Variants in MCC observed in about 807,000 individuals in gnomAD.
MCC encodes the protein MCC regulator of Wnt signaling pathway.
A neutral mutation model predicts 116.2 loss-of-function variants in MCC; 90 were observed. The ratio of observed to expected loss-of-function variants is 0.77; its 90% CI spans 0.65 to 0.92. The LOEUF (loss-of-function observed/expected upper bound fraction) is 0.92. MCC is among the 40% of genes least tolerant of loss of function. The pLI, the probability that MCC is intolerant of heterozygous loss-of-function variation, is 0.00. For missense variants in MCC, 1,516 were observed against 1,312.2 expected (o/e 1.16, Z -2.40); for synonymous variants, 578 against 510.5 (o/e 1.13, Z -1.78).
chr5:113,141,693 C>A (rs191778514), intron 5 of MCC, among the ~76,000 whole-genome samples: 25 of 152,314 alleles, frequency 1.6e-4, no homozygotes, highest in Non-Finnish European at 2.6e-4. Context: ...GACATCTCCA[C>A]AGATGTAGTC....
intron 1 of MCC, among the ~76,000 whole-genome samples, chr5:113,464,470 C>T (rs1046282528): frequency 2.2e-4 from 34 of 152,214 alleles, no homozygotes; most frequent in African/African-American, 7.5e-4. Context: ...AGGTCTTTGC[C>T]CCCAAAATTA....
intron 3 of MCC, among the ~76,000 whole-genome samples, chr5:113,169,237 G>T (rs994866909): frequency 6.6e-6 from 1 of 152,138 alleles, no homozygotes; most frequent in South Asian, 2.1e-4. Flanking sequence ...AGAATGGATA[G>T]GCTGTATACA....
intron 3 of MCC, among the ~76,000 whole-genome samples, chr5:113,168,167 T>A (rs1760875062): frequency 6.6e-6 from 1 of 152,174 alleles, no homozygotes; most frequent in African/African-American, 2.4e-5. Context: ...CCTAGTGCGA[T>A]ACTAAACCAA....
chr5:113,252,141 C>T (rs1764825619), intron 3 of MCC, among the ~76,000 whole-genome samples: 1 of 152,170 alleles, frequency 6.6e-6, no homozygotes, highest in Non-Finnish European at 1.5e-5. Context: ...CTGTTTACTT[C>T]TTAGTGGAAT....
At chr5:113,189,832 C>T (rs1289379674) in intron 3 of MCC, among the ~76,000 whole-genome samples, 4 of 152,210 alleles carry the variant, frequency 2.6e-5, no homozygotes, top group African/African-American at 9.6e-5. Flanking sequence ...TAGCCACAAT[C>T]TTAATTAAGC....
chr5:113,197,232 A>T (rs987551034), intron 3 of MCC, among the ~76,000 whole-genome samples: 2 of 151,798 alleles, frequency 1.3e-5, no homozygotes, highest in African/African-American at 4.9e-5. Context: ...CAAAAGGGGG[A>T]ATTTTTTTTT....
chr5:113,423,111 G>C (rs982945150), intron 1 of MCC, among the ~76,000 whole-genome samples: 19 of 152,176 alleles, frequency 1.2e-4, no homozygotes, highest in African/African-American at 4.6e-4. Flanking sequence ...GCAACACTCT[G>C]CCTTTGTTCT....
chr5:113,285,441 G>A (rs1367801796), intron 3 of MCC, among the ~76,000 whole-genome samples: 1 of 148,372 alleles, frequency 6.7e-6, no homozygotes, highest in Non-Finnish European at 1.5e-5. Flanking sequence ...TACTCTTCCA[G>A]GGCTTATGAA....
intron 3 of MCC, among the ~76,000 whole-genome samples, chr5:113,274,188 T>C (rs1765725324): frequency 6.6e-6 from 1 of 152,216 alleles, no homozygotes; most frequent in Non-Finnish European, 1.5e-5. Context: ...CTTGTAACAA[T>C]GTGTGGTAGC....
intron 12 of MCC, among the ~76,000 whole-genome samples, chr5:113,068,408 G>C (rs188488942): frequency 8.3e-4 from 127 of 152,290 alleles, no homozygotes; most frequent in Non-Finnish European, 1.1e-3. Context: ...AAATACAAGA[G>C]AAACAATAAA....
intron 3 of MCC, among the ~76,000 whole-genome samples, chr5:113,259,942 G>A (rs1288376497): frequency 2.6e-5 from 4 of 152,022 alleles, no homozygotes; most frequent in African/African-American, 9.7e-5. Flanking sequence ...AAAAAGTCAA[G>A]TCAACCAAAA....
At chr5:113,081,548 C>A (rs1024707149) in intron 11 of MCC, among the ~76,000 whole-genome samples, 8 of 152,236 alleles carry the variant, frequency 5.3e-5, no homozygotes, top group African/African-American at 1.7e-4. Flanking sequence ...TGTTAAAGCC[C>A]AGAATCTGTA....
chr5:113,033,915 T>C (rs1349824488), intron 17 of MCC, among the ~76,000 whole-genome samples: 1 of 152,222 alleles, frequency 6.6e-6, no homozygotes, highest in Non-Finnish European at 1.5e-5. Flanking sequence ...AGACAGGGTC[T>C]TGATCTGTCA....
intron 17 of MCC, among the ~76,000 whole-genome samples, chr5:113,032,037 T>G (rs1346893224): frequency 6.6e-6 from 1 of 152,236 alleles, no homozygotes; most frequent in Admixed American, 6.5e-5. Flanking sequence ...AACTGTAAAC[T>G]TAAACCTAAA....
intron 8 of MCC, 194 bp downstream of exon 8, chr5:113,101,545 T>C: frequency 1.7e-6 from 1 of 587,832 alleles, no homozygotes. Flanking sequence ...GTTTGCTTTT[T>C]TTTTTTAAAT....
At chr5:113,322,821 C>G (rs1202605440) in intron 3 of MCC, among the ~76,000 whole-genome samples, 1 of 152,138 alleles carries the variant, frequency 6.6e-6, no homozygotes, top group Non-Finnish European at 1.5e-5. Flanking sequence ...ACTAAGTGAT[C>G]AAGATGAAGA....
chr5:113,141,084 T>G (rs961979674), intron 5 of MCC, among the ~76,000 whole-genome samples: 11 of 152,100 alleles, frequency 7.2e-5, no homozygotes, highest in Admixed American at 2.0e-4. Context: ...GGGGTCTGGA[T>G]AGAACAAAAA....
At position 113,127,891 on chromosome 5, in the gene MCC, G is replaced by T. The variant is rs113219056; in HGVS notation, c.885-5065C>A. Among the ~76,000 whole-genome samples, 852 of 152,226 alleles carry T rather than the reference G, an allele frequency of 5.6e-3. 10 individuals carry two copies. The highest frequency in any genetic ancestry group is 0.02 in the African/African-American group (817 of 41,538). ...TTTTGCTTTGTTGCTATTGCTTTTG[G>T]TGTCTTTGTCATGAAATCCTTGCCC... On this transcript the variant is annotated intron_variant, in intron 5 of 18. Transcript: ENST00000408903.
At chr5:113,170,758 T>A (rs1411419663) in intron 3 of MCC, among the ~76,000 whole-genome samples, 2 of 152,192 alleles carry the variant, frequency 1.3e-5, no homozygotes, top group African/African-American at 4.8e-5. Context: ...CTTTTCGTGA[T>A]GTGGTCAGTA....
Sources: gnomAD v4.1 joint callset for allele counts (sites outside exome capture counted in the v4.1 genomes callset) on GRCh38, gnomAD v4.1.1 for gene constraint, MANE v1.5 for transcripts, NCBI Gene and HGNC (gene_info 2026-07-23, HGNC 2026-07-21) for gene names.